SNTG1: variants seen among roughly 807,000 people sequenced by gnomAD.
The protein encoded by SNTG1 is gamma-1-syntrophin.
In SNTG1, 39 loss-of-function variants were observed where a neutral mutation model predicts 74.7. The ratio of observed to expected loss-of-function variants is 0.52; its 90% CI spans 0.40 to 0.68. The LOEUF (loss-of-function observed/expected upper bound fraction) is 0.68. SNTG1 is among the 30% of genes least tolerant of loss of function. The pLI, the probability that SNTG1 is intolerant of heterozygous loss-of-function variation, is 0.00. For synonymous variants in SNTG1, 254 were observed against 217.1 expected (o/e 1.17, Z -1.49); for missense variants, 685 against 609.5 (o/e 1.12, Z -1.30).
At chr8:50,717,448 C>T (rs142642815) in intron 17 of SNTG1, among the ~76,000 whole-genome samples, 28 of 152,206 alleles carry the variant, frequency 1.8e-4, no homozygotes, top group African/African-American at 5.5e-4. Context: ...TTCCTTACAG[C>T]GTTATTCTAA....
At chr8:50,170,380 C>T (rs1022625043) in intron 1 of SNTG1, among the ~76,000 whole-genome samples, 1 of 151,736 alleles carries the variant, frequency 6.6e-6, no homozygotes, top group Admixed American at 6.6e-5. Context: ...AAGGAAACAA[C>T]CTATGAAAAA....
At chr8:50,788,026 A>C (rs7843332) in intron 18 of SNTG1, among the ~76,000 whole-genome samples, 4 of 152,082 alleles carry the variant, frequency 2.6e-5, no homozygotes, top group East Asian at 3.9e-4. Flanking sequence ...TGCAGAAAAA[A>C]GGTGAATGAC....
At chr8:50,083,762 A>T (rs1175590245) in intron 1 of SNTG1, among the ~76,000 whole-genome samples, 2 of 152,158 alleles carry the variant, frequency 1.3e-5, no homozygotes, top group Non-Finnish European at 2.9e-5. Context: ...GTTTCCTGAG[A>T]AAATATTAAC....
intron 1 of SNTG1, among the ~76,000 whole-genome samples, chr8:50,086,238 T>A (rs1364784946): frequency 6.6e-6 from 1 of 152,200 alleles, no homozygotes; most frequent in African/African-American, 2.4e-5. Context: ...ATTCCCTACA[T>A]GACTGTTAGG....
In SNTG1 at chr8:50,553,094, G is replaced by A. The variant is rs1443473289; in HGVS notation, c.725G>A (p.Gly242Glu). The change falls in exon 12 of 19, where the codon GGG becomes GAG. Residue 242 changes from glycine (G) to glutamate (E), a missense_variant. Gly to Glu is a moderately conservative substitution (Grantham distance 98). Coordinates refer to ENST00000642720, the MANE Select transcript of SNTG1 (RefSeq NM_018967.5). Reference protein sequence around the residue: ...QVIAVDGVCTGIIQCLSAEDC... With the variant: ...QVIAVDGVCTEIIQCLSAEDC... ...ATTGCTGTGGATGGGGTCTGCACTG[G>A]GATTATTCAGTGCCTCTCTGCTGAA... The A allele has an allele frequency of 6.2e-7, 1 of 1,613,676 alleles. No individual in the cohort carries two copies. Among genetic ancestry groups the A allele is most frequent in the Non-Finnish European group, 8.5e-7 (1 of 1,179,798 alleles).
At chr8:49,954,102 T>C (rs1172555070) in intron 1 of SNTG1, among the ~76,000 whole-genome samples, 1 of 152,188 alleles carries the variant, frequency 6.6e-6, no homozygotes, top group Non-Finnish European at 1.5e-5. Context: ...ATGATTTGTA[T>C]AAAAAGATTT....
rs527990913 is a variant in SNTG1, at chr8:50,263,498, G to A, written c.-28+90863G>A. 8.6e-5 allele frequency among the ~76,000 whole-genome samples: 13 copies of A among 152,044 alleles called. No homozygotes were observed. The East Asian group carries it at 1.7e-3, about 20-fold the overall frequency. On this transcript the variant is annotated intron_variant, in intron 2 of 18. Coordinates refer to ENST00000642720, the MANE Select transcript of SNTG1 (RefSeq NM_018967.5). ...ACACAACTTAGATTCAAAGACACAC[G>A]TAAATTGAAACTAAAATGACAGAAA... is the stretch of plus-strand genomic sequence containing the variant.
intron 10 of SNTG1, among the ~76,000 whole-genome samples, chr8:50,532,093 T>A (rs2094273368): frequency 6.6e-6 from 1 of 152,212 alleles, no homozygotes; most frequent in South Asian, 2.1e-4. Flanking sequence ...TTCTTCTTAC[T>A]GGAGCTATGT....
chr8:50,219,717 G>T (rs1209387621), intron 2 of SNTG1, among the ~76,000 whole-genome samples: 1 of 152,136 alleles, frequency 6.6e-6, no homozygotes, highest in Non-Finnish European at 1.5e-5. Flanking sequence ...CTGTCGCCAT[G>T]ATCCAATTAC....
intron 1 of SNTG1, among the ~76,000 whole-genome samples, chr8:49,931,240 G>A (rs193014246): frequency 6.6e-6 from 1 of 152,184 alleles, no homozygotes. Context: ...TTTACAATGT[G>A]GCCGACCAAC....
intron 8 of SNTG1, among the ~76,000 whole-genome samples, chr8:50,498,142 A>C (rs866616667): frequency 6.6e-6 from 1 of 152,104 alleles, no homozygotes; most frequent in Admixed American, 6.5e-5. Flanking sequence ...TTAATTTACT[A>C]GATCATGTAG....
chr8:50,468,773 T>C (rs72642386), intron 8 of SNTG1, among the ~76,000 whole-genome samples: 3,241 of 152,308 alleles, frequency 0.021, 57 homozygotes, highest in Middle Eastern at 0.037. Flanking sequence ...CATCCTTCTC[T>C]TATTGTATCA....
intron 1 of SNTG1, among the ~76,000 whole-genome samples, chr8:50,042,662 T>A (rs896974360): frequency 6.6e-6 from 1 of 152,058 alleles, no homozygotes; most frequent in African/African-American, 2.4e-5. Context: ...GCTCAAGTGA[T>A]CCTCCTAGCC....
At chr8:50,546,196 G>T (rs1406437507) in intron 11 of SNTG1, among the ~76,000 whole-genome samples, 1 of 151,850 alleles carries the variant, frequency 6.6e-6, no homozygotes, top group Non-Finnish European at 1.5e-5. Context: ...TTAATTTGGG[G>T]ATGACTTTGG....
intron 13 of SNTG1, among the ~76,000 whole-genome samples, chr8:50,650,624 G>A (rs1312962174): frequency 6.6e-6 from 1 of 151,908 alleles, no homozygotes; most frequent in Non-Finnish European, 1.5e-5. Context: ...ATAATTATAG[G>A]ATTCTATATT....
intron 2 of SNTG1, among the ~76,000 whole-genome samples, chr8:50,369,083 G>A (rs1485985286): frequency 6.6e-6 from 1 of 152,104 alleles, no homozygotes; most frequent in Non-Finnish European, 1.5e-5. Flanking sequence ...GGGGGCTACT[G>A]GAATGGGATG....
At chr8:50,567,996 C>T (rs2094525506) in intron 12 of SNTG1, among the ~76,000 whole-genome samples, 1 of 152,010 alleles carries the variant, frequency 6.6e-6, no homozygotes, top group Non-Finnish European at 1.5e-5. Flanking sequence ...TCCCAATTCT[C>T]CCCTTCTCTT....
At chr8:50,372,417 A>C (rs1211451275) in intron 2 of SNTG1, among the ~76,000 whole-genome samples, 1 of 151,998 alleles carries the variant, frequency 6.6e-6, no homozygotes, top group African/African-American at 2.4e-5. Flanking sequence ...GTCCCCATGT[A>C]CATACCATAT....
intron 1 of SNTG1, among the ~76,000 whole-genome samples, chr8:50,043,642 G>T (rs949075407): frequency 6.6e-6 from 1 of 152,166 alleles, no homozygotes; most frequent in Non-Finnish European, 1.5e-5. Context: ...TGTTTGACTC[G>T]CACCCAGGCC....
Sources: allele counts gnomAD v4.1 joint callset (sites outside exome capture counted in the v4.1 genomes callset), GRCh38; gene constraint gnomAD v4.1.1; transcripts MANE v1.5; gene names NCBI Gene and HGNC (gene_info 2026-07-23, HGNC 2026-07-21).